Variants in GRK7 observed in about 807,000 individuals in gnomAD.
The protein encoded by GRK7 is G protein-coupled receptor kinase 7.
GRK7 carries 24 observed loss-of-function variants against 34.1 expected under a neutral mutation model. The ratio of observed to expected loss-of-function variants is 0.70; its 90% CI spans 0.51 to 0.99. The LOEUF (loss-of-function observed/expected upper bound fraction) is 0.99. GRK7 is among the 50% of genes least tolerant of loss of function. The pLI, the probability that GRK7 is intolerant of heterozygous loss-of-function variation, is 0.00. For missense variants in GRK7, 644 were observed against 707.3 expected, an observed-to-expected ratio of 0.91 and a Z score of 1.02; for synonymous variants, 256 against 279.4, an observed-to-expected ratio of 0.92 and a Z score of 0.84.
At chr3:141,777,714 G>T (rs987218371) in intron 2 of GRK7, among the ~76,000 whole-genome samples, 10 of 151,638 alleles carry the variant, frequency 6.6e-5, no homozygotes, top group African/African-American at 2.4e-4. Flanking sequence ...AGGGCCTCTG[G>T]GAACACATCT....
At chr3:141,810,695 T>G (rs1711084849) in intron 5 of GRK7, among the ~76,000 whole-genome samples, 1 of 152,046 alleles carries the variant, frequency 6.6e-6, no homozygotes. Flanking sequence ...TTTTGTATTT[T>G]TAGTAGAGAC....
rs144043235 is a variant in GRK7 at position 141,792,169 on chromosome 3, G to C, written c.1050+11358G>C. Among the ~76,000 whole-genome samples the C allele has an allele frequency of 2.0e-5, 3 of 150,520 alleles. No homozygotes were observed. The East Asian group carries it at 6.0e-4, about 30-fold the overall frequency. On this transcript the variant is annotated intron_variant, in intron 4 of 5. Transcript: ENST00000682958. Reference sequence around the variant, plus strand: ...TGTAATCCCAGCACTTTGGGAGGCCGAGGCGGACAGATCACTTGAGGTCAG... The same window carrying C: ...TGTAATCCCAGCACTTTGGGAGGCCCAGGCGGACAGATCACTTGAGGTCAG...
chr3:141,785,620 C>T (rs537937304), intron 4 of GRK7, among the ~76,000 whole-genome samples: 2 of 152,054 alleles, frequency 1.3e-5, no homozygotes, highest in South Asian at 4.1e-4. Context: ...AAAAATTAGC[C>T]AGGCATGGTG....
upstream of GRK7, among the ~76,000 whole-genome samples, chr3:141,762,395 C>G (rs910029884): frequency 1.4e-5 from 2 of 145,070 alleles, no homozygotes; most frequent in Non-Finnish European, 3.0e-5. Flanking sequence ...CAGTGTGCCC[C>G]TGCTGGGGGG....
intron 5 of GRK7, among the ~76,000 whole-genome samples, chr3:141,809,567 G>T (rs1711072143): frequency 6.6e-6 from 1 of 151,812 alleles, no homozygotes; most frequent in Non-Finnish European, 1.5e-5. Flanking sequence ...GTGTAGAAGT[G>T]CATGCCTGTA....
At chr3:141,762,959 G>A (rs943755709), upstream of GRK7, among the ~76,000 whole-genome samples, 1 of 152,224 alleles carries the variant, frequency 6.6e-6, no homozygotes, top group African/African-American at 2.4e-5. Context: ...CTTCCCAGGT[G>A]AGGCAATGCC....
At chr3:141,777,981 G>T (rs1175849400) in intron 2 of GRK7, among the ~76,000 whole-genome samples, 191 bp from the exon 3 acceptor site, 1 of 152,218 alleles carries the variant, frequency 6.6e-6, no homozygotes, top group Non-Finnish European at 1.5e-5. Context: ...AGGGTACAGG[G>T]CTATGTGGAG....
intron 5 of GRK7, among the ~76,000 whole-genome samples, chr3:141,810,279 C>T (rs1053801631): frequency 2.6e-5 from 4 of 151,612 alleles, no homozygotes; most frequent in South Asian, 2.1e-4. Context: ...TCTCTCCCCC[C>T]TCTTTTCTCT....
intron 3 of GRK7, 123 bp downstream of exon 3, chr3:141,779,019 T>A: frequency 1.0e-6 from 1 of 954,064 alleles, no homozygotes; most frequent in Non-Finnish European, 1.6e-6. Flanking sequence ...TGTGGAGGAT[T>A]TCTAGCCCCG....
At chr3:141,754,503 C>G in the GRK7 span, among the ~76,000 whole-genome samples, 1 of 141,096 alleles carries the variant, frequency 7.1e-6, no homozygotes, top group African/African-American at 2.7e-5. Context: ...GGTGCAATCT[C>G]TGCTCACTGC....
rs998543587 is a variant in GRK7, at chr3:141,776,438, T to C, written c.-113-1734T>C. 4.6e-5 allele frequency among the ~76,000 whole-genome samples: 7 copies of C among 152,336 alleles called. No individual in the cohort carries two copies. The East Asian group carries it at 1.3e-3, about 29-fold the overall frequency. ...GGCATTTGCTCCTCCGAAGAAATTA[T>C]CAGACCAATTTCTCACTACTGAACA... On this transcript the variant is annotated intron_variant, in intron 2 of 5. Transcript: ENST00000682958.
At chr3:141,777,350 A>T (rs1290089442) in intron 2 of GRK7, among the ~76,000 whole-genome samples, 11 of 14,116 alleles carry the variant, frequency 7.8e-4, no homozygotes, top group African/African-American at 3.2e-3. Context: ...TTTGAGACGG[A>T]GTCTCGCTCT....
chr3:141,750,492 A>G, the GRK7 span, among the ~76,000 whole-genome samples: 3 of 152,174 alleles, frequency 2.0e-5, no homozygotes, highest in African/African-American at 7.2e-5. Context: ...ATGGTATAAC[A>G]TTGTTATCTA....
intron 1 of GRK7, among the ~76,000 whole-genome samples, chr3:141,772,205 C>G (rs1481683853): frequency 6.6e-6 from 1 of 152,164 alleles, no homozygotes; most frequent in Non-Finnish European, 1.5e-5. Context: ...AGCAATTCTC[C>G]TGCCTCAGCC....
At chr3:141,768,883 C>G (rs2084602959) in intron 1 of GRK7, among the ~76,000 whole-genome samples, 2 of 152,162 alleles carry the variant, frequency 1.3e-5, no homozygotes, top group African/African-American at 4.8e-5. Flanking sequence ...TTTCCTGCTT[C>G]TCTCCAGCTT....
chr3:141,769,978 A>G (rs1307423262), intron 1 of GRK7, among the ~76,000 whole-genome samples: 1 of 152,156 alleles, frequency 6.6e-6, no homozygotes, highest in East Asian at 1.9e-4. Flanking sequence ...GCAGTGGCGC[A>G]ATCTCGGCCC....
Position 141,819,050 on chromosome 3 carries a change from T to G in GRK7, c.*2000T>G, listed in dbSNP as rs1284860683. Among the ~76,000 whole-genome samples, 2 of 152,108 alleles carry G rather than the reference T, an allele frequency of 1.3e-5. No individual in the cohort carries two copies. Among genetic ancestry groups the G allele is most frequent in the African/African-American group, 4.8e-5 (2 of 41,410 alleles). On this transcript the variant is annotated 3_prime_UTR_variant, in exon 6 of 6. Coordinates refer to ENST00000682958, the MANE Select transcript of GRK7 (RefSeq NM_139209.3). ...TAGAAGTGTGCCCAGGAGATTTTTT[T>G]TTTTCCTGAAGTAAGAAAGTAAATT...
chr3:141,806,453 C>T (rs1711037256), intron 4 of GRK7, among the ~76,000 whole-genome samples: 1 of 151,916 alleles, frequency 6.6e-6, no homozygotes, highest in Admixed American at 6.6e-5. Context: ...ATGCCAGCTA[C>T]CTGGGAGGCT....
At chr3:141,774,907 C>A (rs2084632367) in intron 2 of GRK7, among the ~76,000 whole-genome samples, 1 of 151,962 alleles carries the variant, frequency 6.6e-6, no homozygotes, top group Non-Finnish European at 1.5e-5. Flanking sequence ...ATTCTCCTGC[C>A]TCAGCCTCTC....
Sources: gnomAD v4.1 joint callset for allele counts (sites outside exome capture counted in the v4.1 genomes callset) on GRCh38, gnomAD v4.1.1 for gene constraint, MANE v1.5 for transcripts, NCBI Gene and HGNC (gene_info 2026-07-23, HGNC 2026-07-21) for gene names.